Variants in DEUP1 observed in about 807,000 individuals in gnomAD.
DEUP1 encodes coiled-coil domain containing 67.
A neutral mutation model predicts 87.4 loss-of-function variants in DEUP1; 82 were observed. The observed-to-expected ratio is 0.94, with a 90% CI of 0.78 to 1.13. The LOEUF (loss-of-function observed/expected upper bound fraction) is 1.13. Ranked by LOEUF, DEUP1 falls within the 50% of genes most tolerant of loss-of-function variation. The pLI is 0.00. For missense variants in DEUP1, 663 were observed against 681.5 expected, an observed-to-expected ratio of 0.97 and a Z score of 0.30; for synonymous variants, 214 against 222.7, an observed-to-expected ratio of 0.96 and a Z score of 0.35.
intron 2 of DEUP1, among the ~76,000 whole-genome samples, chr11:93,341,378 A>C (rs958589738): frequency 2.0e-5 from 3 of 152,198 alleles, no homozygotes. Context: ...TCATGTAAGA[A>C]GTGCCTTTTA....
At chr11:93,336,020 G>A (rs1321023592) in intron 2 of DEUP1, among the ~76,000 whole-genome samples, 1 of 152,174 alleles carries the variant, frequency 6.6e-6, no homozygotes, top group Non-Finnish European at 1.5e-5. Context: ...GGCTGAGGCA[G>A]GAGAATCATT....
In DEUP1 at chr11:93,364,256, A is replaced by AT. The variant is rs1945308621; in HGVS notation, c.395dup (p.Pro133ThrfsTer3). 1 of 1,610,240 alleles carries AT rather than the reference A, an allele frequency of 6.2e-7. No homozygotes were observed. The highest frequency in any genetic ancestry group is 1.3e-5 in the African/African-American group (1 of 74,838). On this transcript the variant is annotated frameshift_variant, in exon 5 of 14. Transcript: ENST00000298050. LOFTEE classifies it high-confidence loss of function. ...AGAATTACCACACCTTAAAGAAGAAATACCCTTTGAACTGAGCAATTTGAA... is the reference window on the plus strand; with the variant it reads ...AGAATTACCACACCTTAAAGAAGAAATTACCCTTTGAACTGAGCAATTTGAA...
At chr11:93,356,891 C>G in intron 3 of DEUP1, 57 bp from the exon 4 acceptor site, 1 of 1,064,710 alleles carries the variant, frequency 9.4e-7, no homozygotes. Context: ...TGCACATTTT[C>G]TGATTTTGTC....
chr11:93,357,806 C>T (rs1035611028), intron 4 of DEUP1, among the ~76,000 whole-genome samples: 4 of 151,990 alleles, frequency 2.6e-5, no homozygotes, highest in Non-Finnish European at 4.4e-5. Flanking sequence ...TTTTTAAATA[C>T]GTTTTAGGAG....
intron 8 of DEUP1, 109 bp downstream of exon 8, chr11:93,385,652 A>T: frequency 1.3e-6 from 1 of 768,476 alleles, no homozygotes; most frequent in Non-Finnish European, 1.9e-6. Flanking sequence ...TTTTGTATTA[A>T]CATGTTAATT....
chr11:93,400,032 C>T (rs1231493252), intron 11 of DEUP1, among the ~76,000 whole-genome samples: 1 of 151,920 alleles, frequency 6.6e-6, no homozygotes, highest in African/African-American at 2.4e-5. Flanking sequence ...TTATCAAATG[C>T]CTTTTTAGGA....
intron 7 of DEUP1, among the ~76,000 whole-genome samples, chr11:93,375,001 G>A (rs1239127371): frequency 6.7e-6 from 1 of 148,846 alleles, no homozygotes; most frequent in Admixed American, 6.7e-5. Flanking sequence ...ACATCCTTGG[G>A]TAGGTATATT....
intron 1 of DEUP1, among the ~76,000 whole-genome samples, chr11:93,331,894 A>T (rs1943508264): frequency 6.6e-6 from 1 of 152,128 alleles, no homozygotes; most frequent in Admixed American, 6.5e-5. Flanking sequence ...AAATACAAAA[A>T]TTAGCCGGGC....
Position 93,347,625 on chromosome 11 carries a change from G to A in DEUP1, c.30-7746G>A, listed in dbSNP as rs999507975. ...TTTGTATGTCTGGTAGAATTCAACTGTGAATCTTTCTGGTCCTGGGCTGTT... is the reference window on the plus strand; with the variant it reads ...TTTGTATGTCTGGTAGAATTCAACTATGAATCTTTCTGGTCCTGGGCTGTT... On this transcript the variant is annotated intron_variant, in intron 2 of 13. Transcript: ENST00000298050. Among the ~76,000 whole-genome samples the A allele has an allele frequency of 3.3e-5, 5 of 152,304 alleles. No individual in the cohort carries two copies. The East Asian group carries it at 9.6e-4, about 29-fold the overall frequency.
intron 4 of DEUP1, among the ~76,000 whole-genome samples, chr11:93,361,618 TAAA>T (rs1001645172): frequency 6.6e-6 from 1 of 151,472 alleles, no homozygotes; most frequent in Non-Finnish European, 1.5e-5. Flanking sequence ...CAGCAACCAC[TAAA>T]AAAGATCTAC....
chr11:93,436,431 C>T (rs1182717321), intron 13 of DEUP1, among the ~76,000 whole-genome samples: 2 of 152,170 alleles, frequency 1.3e-5, no homozygotes, highest in African/African-American at 2.4e-5. Context: ...TTCCTATCCT[C>T]CTTTTTATTA....
At chr11:93,370,958 C>A (rs1295903431) in intron 6 of DEUP1, 80 bp from the exon 7 acceptor site, 17 of 1,260,024 alleles carry the variant, frequency 1.3e-5, no homozygotes, top group Non-Finnish European at 4.4e-6. Context: ...CCTACTAATT[C>A]TTTTCTATCA....
chr11:93,404,592 C>G (rs1316102599), intron 11 of DEUP1, among the ~76,000 whole-genome samples: 2 of 152,014 alleles, frequency 1.3e-5, no homozygotes, highest in Admixed American at 1.3e-4. Flanking sequence ...ATAATTGTTA[C>G]TGTTAAATAT....
chr11:93,409,648 A>C (rs896654557), intron 12 of DEUP1, among the ~76,000 whole-genome samples: 2 of 152,214 alleles, frequency 1.3e-5, no homozygotes. Flanking sequence ...TCATAAGCTC[A>C]TAATAGTTAG....
At chr11:93,360,291 G>A (rs1027001994) in intron 4 of DEUP1, among the ~76,000 whole-genome samples, 5 of 152,152 alleles carry the variant, frequency 3.3e-5, no homozygotes, top group South Asian at 2.1e-4. Flanking sequence ...TAATAAAGGG[G>A]CACTCCATTT....
At position 93,375,608 on chromosome 11, in the gene DEUP1, C is replaced by A. The variant is rs1189191375; in HGVS notation, c.789+4328C>A. On this transcript the variant is annotated intron_variant, in intron 7 of 13. Transcript: ENST00000298050. ...CATTTATTGACTTGCATATGTTAAA[C>A]CATCCCTGCATCCCTCATTTGAAAC... Among the ~76,000 whole-genome samples, 4 of 152,252 alleles carry A rather than the reference C, an allele frequency of 2.6e-5. No homozygotes were observed. The South Asian group carries it at 6.2e-4, about 24-fold the overall frequency.
intron 12 of DEUP1, among the ~76,000 whole-genome samples, chr11:93,414,472 A>T (rs1212894013): frequency 6.6e-6 from 1 of 152,120 alleles, no homozygotes; most frequent in East Asian, 1.9e-4. Context: ...GCGCCACTGC[A>T]CTCCAGCCTA....
intron 4 of DEUP1, among the ~76,000 whole-genome samples, chr11:93,360,437 C>T (rs528829232): frequency 1.2e-4 from 19 of 152,222 alleles, no homozygotes; most frequent in African/African-American, 4.3e-4. Context: ...AAGAAGATCT[C>T]AACTTGAATA....
At chr11:93,334,576 T>C (rs1314137451) in intron 2 of DEUP1, among the ~76,000 whole-genome samples, 2 of 148,406 alleles carry the variant, frequency 1.3e-5, no homozygotes, top group Non-Finnish European at 3.0e-5. Context: ...TAAGGCAGCA[T>C]TCGAGCAGAG....
Sources: gnomAD v4.1 joint callset for allele counts (sites outside exome capture counted in the v4.1 genomes callset) on GRCh38, gnomAD v4.1.1 for gene constraint, MANE v1.5 for transcripts, NCBI Gene and HGNC (gene_info 2026-07-23, HGNC 2026-07-21) for gene names.